Variants in PCNX2 observed in about 807,000 individuals in gnomAD.
PCNX2 encodes pecanex 2.
In PCNX2, 168 loss-of-function variants were observed where a neutral mutation model predicts 223.8. That is an observed-to-expected ratio of 0.75 (90% CI 0.66 to 0.85). The LOEUF (loss-of-function observed/expected upper bound fraction) is 0.85, where lower values mean the gene tolerates loss of function less well. PCNX2 is among the 40% of genes least tolerant of loss of function. The pLI, the probability that PCNX2 is intolerant of heterozygous loss-of-function variation, is 0.00. For synonymous variants in PCNX2, 1,006 were observed against 1,052.6 expected (o/e 0.96, Z 0.86); for missense variants, 2,507 against 2,675.5 (o/e 0.94, Z 1.39).
At chr1:233,304,592 A>T in the PCNX2 span, among the ~76,000 whole-genome samples, 1 of 152,224 alleles carries the variant, frequency 6.6e-6, no homozygotes, top group Non-Finnish European at 1.5e-5. Context: ...GCCAGTTATT[A>T]TGAGATGAAT....
intron 1 of PCNX2, 120 bp from the exon 2 acceptor site, chr1:233,263,283 CT>C: frequency 1.1e-6 from 1 of 879,236 alleles, no homozygotes; most frequent in Non-Finnish European, 1.6e-6. Flanking sequence ...TCAAATTAGA[CT>C]AATTTTTTAA....
At chr1:233,159,924 T>C (rs2102819422) in intron 19 of PCNX2, among the ~76,000 whole-genome samples, 1 of 152,338 alleles carries the variant, frequency 6.6e-6, no homozygotes, top group East Asian at 1.9e-4. Context: ...GGGATGCTCT[T>C]CTTAGGCCCC....
chr1:233,279,019 T>C (rs963706044), intron 1 of PCNX2, among the ~76,000 whole-genome samples: 4 of 152,178 alleles, frequency 2.6e-5, no homozygotes, highest in African/African-American at 9.7e-5. Flanking sequence ...TTGTTCATTT[T>C]CTTGCCCAGA....
chr1:233,170,331 T>C (rs1405420777), intron 17 of PCNX2, among the ~76,000 whole-genome samples: 1 of 152,222 alleles, frequency 6.6e-6, no homozygotes, highest in African/African-American at 2.4e-5. Context: ...CTTTACATTT[T>C]TTTTAGTCTG....
At chr1:233,094,726 G>T (rs1674059885) in intron 22 of PCNX2, among the ~76,000 whole-genome samples, 1 of 152,286 alleles carries the variant, frequency 6.6e-6, no homozygotes, top group South Asian at 2.1e-4. Context: ...ATTTCATATG[G>T]AAGAGAGTTC....
At chr1:233,122,806 C>T (rs1443396504) in intron 21 of PCNX2, among the ~76,000 whole-genome samples, 1 of 152,090 alleles carries the variant, frequency 6.6e-6, no homozygotes, top group Non-Finnish European at 1.5e-5. Flanking sequence ...TACAGGCATG[C>T]ACCACTGTGC....
chr1:233,131,262 A>G (rs563464489), intron 21 of PCNX2, among the ~76,000 whole-genome samples: 1 of 152,318 alleles, frequency 6.6e-6, no homozygotes, highest in African/African-American at 2.4e-5. Context: ...CCATGAGTCT[A>G]GTGGACAAGT....
chr1:233,006,279 C>T (rs1404819538), intron 28 of PCNX2, among the ~76,000 whole-genome samples: 1 of 151,522 alleles, frequency 6.6e-6, no homozygotes, highest in African/African-American at 2.4e-5. Context: ...TAGGCTGTAA[C>T]TGCGCTACTC....
intron 32 of PCNX2, among the ~76,000 whole-genome samples, chr1:232,993,890 T>C (rs779047625): frequency 2.6e-5 from 4 of 152,228 alleles, no homozygotes; most frequent in Admixed American, 6.5e-5. Context: ...CCTTTGCTGC[T>C]TCCATGTGGT....
chr1:233,128,006 C>A (rs951638635), intron 21 of PCNX2, among the ~76,000 whole-genome samples: 1 of 152,136 alleles, frequency 6.6e-6, no homozygotes, highest in African/African-American at 2.4e-5. Flanking sequence ...TCTGTACTCA[C>A]AAAATAAGGA....
chr1:233,076,121 G>A (rs1317228774), intron 23 of PCNX2, among the ~76,000 whole-genome samples: 1 of 152,182 alleles, frequency 6.6e-6, no homozygotes, highest in African/African-American at 2.4e-5. Context: ...GAGTACTGCT[G>A]AGTTTTCCCC....
intron 13 of PCNX2, among the ~76,000 whole-genome samples, chr1:233,204,248 G>A (rs1681312657): frequency 6.6e-6 from 1 of 152,130 alleles, no homozygotes; most frequent in South Asian, 2.1e-4. Context: ...GGAGAAGAAT[G>A]CCGCCTACAA....
At chr1:233,057,982 C>T in intron 23 of PCNX2, 14 of 985,268 alleles carry the variant, frequency 1.4e-5, no homozygotes, top group Non-Finnish European at 1.7e-5. Context: ...TAGTCAACGT[C>T]TCCACCACCT....
chr1:233,037,947 T>G (rs545467961), intron 25 of PCNX2, among the ~76,000 whole-genome samples: 1 of 152,338 alleles, frequency 6.6e-6, no homozygotes, highest in East Asian at 1.9e-4. Flanking sequence ...CTTATCAATT[T>G]AAAAAGGAAT....
At chr1:233,199,618 G>A (rs897779857) in intron 14 of PCNX2, among the ~76,000 whole-genome samples, 1 of 152,118 alleles carries the variant, frequency 6.6e-6, no homozygotes, top group Admixed American at 6.5e-5. Context: ...ATGTCACGTC[G>A]TGAGATTATA....
rs113950304 is a variant in PCNX2 at position 233,001,987 on chromosome 1, A to G, written c.4953-306T>C. 6.6e-6 allele frequency among the ~76,000 whole-genome samples: 1 copy of G among 152,174 alleles called. No individual in the cohort carries two copies. The highest frequency in any genetic ancestry group is 1.5e-5 in the Non-Finnish European group (1 of 68,024). ...AGAACTGGCCTCACGTGTCCACTCA[A>G]AGTTAGAGTGCTAAAACACAGTTTC... On this transcript the variant is annotated intron_variant, in intron 28 of 33. Coordinates refer to ENST00000258229, the MANE Select transcript of PCNX2 (RefSeq NM_014801.4). This position sits in a 1 kb window ranked among gnomAD's most constrained non-coding sequence, Gnocchi z 4.2.
intron 17 of PCNX2, among the ~76,000 whole-genome samples, chr1:233,162,427 G>T (rs1224197767): frequency 6.6e-6 from 1 of 152,060 alleles, no homozygotes; most frequent in Non-Finnish European, 1.5e-5. Flanking sequence ...AAAATGTGGG[G>T]TTTCTTGCAA....
chr1:233,319,181 C>A, the PCNX2 span, among the ~76,000 whole-genome samples: 1 of 152,146 alleles, frequency 6.6e-6, no homozygotes, highest in Non-Finnish European at 1.5e-5. Context: ...GGATTAATGC[C>A]CACCATCTCC....
chr1:233,112,787 T>C, intron 21 of PCNX2: 1 of 1,193,502 alleles, frequency 8.4e-7, no homozygotes, highest in Non-Finnish European at 1.1e-6. Context: ...AGAAAAAAAT[T>C]TTAAGTCTTA....
Sources: allele counts gnomAD v4.1 joint callset (sites outside exome capture counted in the v4.1 genomes callset), GRCh38; gene constraint gnomAD v4.1.1; non-coding constraint Gnocchi (gnomAD v3.1); transcripts MANE v1.5; gene names NCBI Gene and HGNC (gene_info 2026-07-23, HGNC 2026-07-21).